Variants in RUNX2 observed in about 807,000 individuals in gnomAD.
RUNX2 encodes RUNX family transcription factor 2, also known as runt-related transcription factor 2.
In RUNX2, 10 loss-of-function variants were observed where a neutral mutation model predicts 51.7. The ratio of observed to expected loss-of-function variants is 0.19; its 90% CI spans 0.12 to 0.33. The LOEUF is 0.33. RUNX2 is among the 10% of genes least tolerant of loss of function. The pLI is 1.00. For synonymous variants in RUNX2, 276 were observed against 273.6 expected (o/e 1.01, Z -0.09); for missense variants, 562 against 691.3 (o/e 0.81, Z 2.10).
At chr6:45,534,034 A>G (rs1162069711) in intron 7 of RUNX2, among the ~76,000 whole-genome samples, 4 of 151,660 alleles carry the variant, frequency 2.6e-5, no homozygotes, top group African/African-American at 9.7e-5. Context: ...AGCTGGGACT[A>G]CAGGTGCCCG....
intron 5 of RUNX2, among the ~76,000 whole-genome samples, chr6:45,479,732 GA>G (rs970153378): frequency 2.6e-5 from 4 of 152,030 alleles, no homozygotes; most frequent in African/African-American, 9.6e-5. Flanking sequence ...ACTTGCTTTT[GA>G]AAAACAAAAA....
intron 2 of RUNX2, chr6:45,365,280 G>C: frequency 6.2e-7 from 1 of 1,610,504 alleles, no homozygotes; most frequent in Non-Finnish European, 8.5e-7. Flanking sequence ...GTAGACATTG[G>C]ACTAGCTGCC....
intron 5 of RUNX2, among the ~76,000 whole-genome samples, chr6:45,472,190 A>G (rs1799822309): frequency 6.6e-6 from 1 of 152,206 alleles, no homozygotes; most frequent in Non-Finnish European, 1.5e-5. Context: ...GTTAAAAACA[A>G]AATAGCCTTA....
At chr6:45,421,580 A>G (rs1313692737) in intron 2 of RUNX2, 1 of 152,274 alleles carries the variant, frequency 6.6e-6, no homozygotes, top group Non-Finnish European at 1.5e-5. Context: ...TTACAACGAA[A>G]AATAGCGACA....
At chr6:45,474,246 A>G (rs1216361623) in intron 5 of RUNX2, among the ~76,000 whole-genome samples, 1 of 151,786 alleles carries the variant, frequency 6.6e-6, no homozygotes, top group Non-Finnish European at 1.5e-5. Context: ...CCCTAGAGAT[A>G]GGTATAGTAG....
intron 5 of RUNX2, among the ~76,000 whole-genome samples, chr6:45,442,368 AG>A (rs2150374705): frequency 6.6e-6 from 1 of 152,324 alleles, no homozygotes; most frequent in East Asian, 1.9e-4. Flanking sequence ...GTGGTGTAGC[AG>A]CAGCAGCAAT....
intron 2 of RUNX2, among the ~76,000 whole-genome samples, chr6:45,373,717 A>AT (rs1006363698): frequency 6.6e-6 from 1 of 151,930 alleles, no homozygotes; most frequent in African/African-American, 2.4e-5. Flanking sequence ...TGCCCGGCTA[A>AT]TTTTTTTGTA....
At chr6:45,486,281 A>T (rs1800280787) in intron 5 of RUNX2, among the ~76,000 whole-genome samples, 1 of 152,016 alleles carries the variant, frequency 6.6e-6, no homozygotes. Flanking sequence ...TCCCCACTAG[A>T]CTGTGAACTC....
chr6:45,548,594 CTT>C lies in RUNX2; in HGVS notation c.*1290_*1291del, dbSNP rs1463473889. On this transcript the variant is annotated 3_prime_UTR_variant, in exon 9 of 9. Transcript: ENST00000647337. The stretch of plus-strand genomic sequence containing the variant: ...TAATTTCTTTGGGGTAATTATGACT[CTT>C]GTCATATTAAAAAGACAAGCACAAG... The C allele has an allele frequency of 1.3e-5, 2 of 152,666 alleles. No homozygotes were observed. The highest frequency in any genetic ancestry group is 4.8e-5 in the African/African-American group (2 of 41,436). The allele number at this position is 152,666 out of a possible 1,614,324, so 9.5% of individuals were successfully genotyped here.
chr6:45,348,652 G>C (rs1581785409), intron 2 of RUNX2, among the ~76,000 whole-genome samples: 1 of 145,462 alleles, frequency 6.9e-6, no homozygotes, highest in East Asian at 2.0e-4. Flanking sequence ...TCCAGCCTGG[G>C]TGACAAAGTA....
chr6:45,547,228 G>T lies in RUNX2; in HGVS notation c.1489G>T (p.Asp497Tyr). The change falls in exon 9 of 9, where the codon GAT becomes TAT. Residue 497 changes from aspartate (D) to tyrosine (Y), a missense_variant. Transcript: ENST00000647337. ...LPNQNDGVDA[D>Y]GSHSSSPTVL... ...TAACCAGAATGATGGTGTTGACGCT[G>T]ATGGAAGCCACAGCAGTTCCCCAAC... 6.2e-7 allele frequency: 1 copy of T among 1,614,186 alleles called. No individual in the cohort carries two copies. Among genetic ancestry groups the T allele is most frequent in the Non-Finnish European group, 8.5e-7 (1 of 1,180,030 alleles).
chr6:45,459,042 A>G (rs1799399734), intron 5 of RUNX2, among the ~76,000 whole-genome samples: 1 of 152,172 alleles, frequency 6.6e-6, no homozygotes, highest in African/African-American at 2.4e-5. Flanking sequence ...TGTGTATGTG[A>G]CATTAAGCAG....
intron 7 of RUNX2, among the ~76,000 whole-genome samples, chr6:45,531,584 C>T (rs1442307452): frequency 1.3e-5 from 2 of 152,104 alleles, no homozygotes; most frequent in Admixed American, 1.3e-4. Flanking sequence ...GAAACCGCAT[C>T]TCTACTAAAA....
intron 5 of RUNX2, among the ~76,000 whole-genome samples, chr6:45,480,483 G>A: frequency 6.6e-6 from 1 of 152,136 alleles, no homozygotes; most frequent in East Asian, 1.9e-4. Flanking sequence ...ACAGACTTCT[G>A]ACAGACATAG....
chr6:45,448,434 C>T (rs182289962), intron 5 of RUNX2, among the ~76,000 whole-genome samples: 33 of 152,148 alleles, frequency 2.2e-4, no homozygotes, highest in Admixed American at 8.5e-4. Context: ...AACGAATCAA[C>T]GAATTAAGAA....
intron 2 of RUNX2, among the ~76,000 whole-genome samples, chr6:45,373,526 C>T (rs1357173827): frequency 1.3e-5 from 2 of 152,126 alleles, no homozygotes; most frequent in South Asian, 4.1e-4. Flanking sequence ...AGCACCATTA[C>T]TGTGACTTAA....
intron 5 of RUNX2, among the ~76,000 whole-genome samples, chr6:45,471,555 C>T (rs542988221): frequency 2.6e-5 from 4 of 151,994 alleles, no homozygotes; most frequent in South Asian, 2.1e-4. Context: ...TGCCATTCTC[C>T]TGCCTCAGCC....
intron 3 of RUNX2, among the ~76,000 whole-genome samples, chr6:45,427,009 AT>A (rs1198247365): frequency 6.6e-6 from 1 of 152,194 alleles, no homozygotes; most frequent in Non-Finnish European, 1.5e-5. Flanking sequence ...CGTAATATAA[AT>A]TATTATGCAA....
intron 5 of RUNX2, among the ~76,000 whole-genome samples, chr6:45,479,761 C>A (rs928636893): frequency 6.6e-6 from 1 of 152,128 alleles, no homozygotes; most frequent in African/African-American, 2.4e-5. Flanking sequence ...TAAATGTAAT[C>A]GCTCGAAGGA....
Sources: gnomAD v4.1 joint callset for allele counts (sites outside exome capture counted in the v4.1 genomes callset) on GRCh38, gnomAD v4.1.1 for gene constraint, MANE v1.5 for transcripts, NCBI Gene and HGNC (gene_info 2026-07-23, HGNC 2026-07-21) for gene names.